Variants in ATP8A2 observed in about 807,000 individuals in gnomAD.
ATP8A2 encodes the protein phospholipid-transporting ATPase IB.
ATP8A2 carries 100 observed loss-of-function variants against 165.6 expected under a neutral mutation model. That is an observed-to-expected ratio of 0.60 (90% CI 0.51 to 0.71). The LOEUF (loss-of-function observed/expected upper bound fraction) is 0.71. ATP8A2 is among the 30% of genes least tolerant of loss of function. ATP8A2 has a pLI of 0.00. For synonymous variants in ATP8A2, 543 were observed against 548.8 expected, an observed-to-expected ratio of 0.99 and a Z score of 0.15; for missense variants, 1,227 against 1,479.5, an observed-to-expected ratio of 0.83 and a Z score of 2.80.
At chr13:25,410,229 T>C (rs1313007149) in intron 1 of ATP8A2, among the ~76,000 whole-genome samples, 1 of 151,958 alleles carries the variant, frequency 6.6e-6, no homozygotes, top group African/African-American at 2.4e-5. Context: ...CCCCTTATGG[T>C]AAAGTGTTCT....
chr13:25,633,196 A>G (rs760858110), intron 24 of ATP8A2, among the ~76,000 whole-genome samples: 26 of 152,196 alleles, frequency 1.7e-4, no homozygotes, highest in Non-Finnish European at 3.5e-4. Context: ...TTAATGAGGC[A>G]TGATATTGTT....
intron 33 of ATP8A2, among the ~76,000 whole-genome samples, chr13:25,899,542 A>T (rs2138941928): frequency 6.6e-6 from 1 of 152,244 alleles, no homozygotes; most frequent in Non-Finnish European, 1.5e-5. Context: ...GAGGCCTCCC[A>T]GGAGGGCCAC....
At chr13:25,555,732 A>G (rs1276179837) in intron 13 of ATP8A2, among the ~76,000 whole-genome samples, 1 of 152,004 alleles carries the variant, frequency 6.6e-6, no homozygotes, top group Non-Finnish European at 1.5e-5. Context: ...CCCATCACTC[A>G]TGTACCTGAG....
At chr13:25,425,338 A>G (rs1323836010) in intron 1 of ATP8A2, among the ~76,000 whole-genome samples, 1 of 151,778 alleles carries the variant, frequency 6.6e-6, no homozygotes, top group Non-Finnish European at 1.5e-5. Flanking sequence ...AGCACCCCCC[A>G]ATGCCTGAAA....
At chr13:25,503,131 G>A (rs1167776942) in intron 2 of ATP8A2, among the ~76,000 whole-genome samples, 3 of 152,104 alleles carry the variant, frequency 2.0e-5, no homozygotes, top group South Asian at 2.1e-4. Flanking sequence ...GAAGAGACAC[G>A]AGCTGCCACC....
chr13:25,905,505 C>T (rs959951943), intron 33 of ATP8A2, among the ~76,000 whole-genome samples: 1 of 152,140 alleles, frequency 6.6e-6, no homozygotes, highest in Non-Finnish European at 1.5e-5. Context: ...CAGTAGCCGT[C>T]CTGCCTGGTA....
At chr13:25,853,396 A>AAAAAT (rs1555278504) in intron 30 of ATP8A2, among the ~76,000 whole-genome samples, 3 of 107,868 alleles carry the variant, frequency 2.8e-5, no homozygotes, top group South Asian at 2.9e-4. Context: ...ATCTAAAAAA[A>AAAAAT]ATATATATAT....
intron 24 of ATP8A2, among the ~76,000 whole-genome samples, chr13:25,598,523 C>T (rs2040296786): frequency 6.6e-6 from 1 of 152,162 alleles, no homozygotes; most frequent in Non-Finnish European, 1.5e-5. Context: ...TAAAATTACT[C>T]TCAGCAGTAT....
chr13:25,851,512 G>A (rs1302609857), intron 30 of ATP8A2, among the ~76,000 whole-genome samples: 1 of 151,436 alleles, frequency 6.6e-6, no homozygotes, highest in Non-Finnish European at 1.5e-5. Context: ...GAACCCAGGA[G>A]GCAGAGTTTG....
intron 25 of ATP8A2, among the ~76,000 whole-genome samples, chr13:25,738,335 C>T (rs910577505): frequency 3.8e-5 from 1 of 26,218 alleles, no homozygotes; most frequent in Non-Finnish European, 8.0e-5. Context: ...CTTTTTGTGC[C>T]CCCCTCCCCC....
At chr13:25,444,503 C>T (rs2138210375) in intron 1 of ATP8A2, among the ~76,000 whole-genome samples, 1 of 152,312 alleles carries the variant, frequency 6.6e-6, no homozygotes, top group East Asian at 1.9e-4. Flanking sequence ...TACATTCTCT[C>T]CAGCATCTGT....
intron 2 of ATP8A2, among the ~76,000 whole-genome samples, chr13:25,524,890 CCTTCCTTCCTTCCTT>C (rs2037788879): frequency 1.1e-4 from 1 of 8,910 alleles, no homozygotes; most frequent in Non-Finnish European, 3.9e-4. Context: ...TTGATAACTT[CCTTCCTTCCTTCCTT>C]CCTTCCTTCC....
intron 1 of ATP8A2, among the ~76,000 whole-genome samples, chr13:25,432,022 G>C (rs1027588876): frequency 6.6e-6 from 1 of 152,114 alleles, no homozygotes; most frequent in Non-Finnish European, 1.5e-5. Context: ...CTTTTACTTA[G>C]TACAATATTT....
chr13:25,478,717 C>T (rs548837948), intron 2 of ATP8A2, among the ~76,000 whole-genome samples: 6 of 152,134 alleles, frequency 3.9e-5, no homozygotes, highest in East Asian at 1.9e-4. Context: ...ATATACCATA[C>T]GAAAGGCTTT....
chr13:25,993,540 G>A (rs528292097), intron 35 of ATP8A2, among the ~76,000 whole-genome samples: 5 of 152,304 alleles, frequency 3.3e-5, no homozygotes, highest in African/African-American at 9.6e-5. Context: ...TAAGGTATGA[G>A]ATTTAGATCA....
chr13:25,584,652 A>T (rs1213516928), intron 23 of ATP8A2, among the ~76,000 whole-genome samples: 2 of 152,142 alleles, frequency 1.3e-5, no homozygotes, highest in Admixed American at 1.3e-4. Context: ...TACCCTACTT[A>T]ATGACCAAAC....
intron 33 of ATP8A2, among the ~76,000 whole-genome samples, chr13:25,881,924 ACCAGAGTG>A (rs768389150): frequency 2.0e-5 from 3 of 152,202 alleles, no homozygotes; most frequent in Non-Finnish European, 4.4e-5. Flanking sequence ...ACGCCATGCC[ACCAGAGTG>A]CCTGAGTCCA....
At chr13:25,793,742 G>A (rs1269256676) in intron 27 of ATP8A2, among the ~76,000 whole-genome samples, 2 of 152,094 alleles carry the variant, frequency 1.3e-5, no homozygotes, top group Non-Finnish European at 2.9e-5. Flanking sequence ...AGATAGCAGA[G>A]AAATCCTTTG....
At chr13:25,610,083 T>C (rs1430659014) in intron 24 of ATP8A2, among the ~76,000 whole-genome samples, 1 of 152,162 alleles carries the variant, frequency 6.6e-6, no homozygotes, top group African/African-American at 2.4e-5. Context: ...ACTCTACTAA[T>C]TGTTTCTTCT....
Sources: gnomAD v4.1 joint callset for allele counts (sites outside exome capture counted in the v4.1 genomes callset) on GRCh38, gnomAD v4.1.1 for gene constraint, MANE v1.5 for transcripts, NCBI Gene and HGNC (gene_info 2026-07-23, HGNC 2026-07-21) for gene names.